The following PLD1 variants were observed in gnomAD, a reference collection of about 807,000 sequenced individuals.
The protein encoded by PLD1 is phospholipase D1, also known as choline phosphatase 1.
PLD1 carries 112 observed loss-of-function variants against 137.1 expected under a neutral mutation model. The observed-to-expected ratio is 0.82, with a 90% CI of 0.70 to 0.96. PLD1 has a LOEUF of 0.96. PLD1 is among the 40% of genes least tolerant of loss of function. The probability of loss-of-function intolerance (pLI) is 0.00; values close to 1 mark genes in which losing one functional copy is unlikely to be tolerated. For synonymous variants in PLD1, 431 were observed against 454.7 expected (o/e 0.95, Z 0.66); for missense variants, 1,321 against 1,342.0 (o/e 0.98, Z 0.24).
Position 171,737,644 on chromosome 3 carries a change from G to A in PLD1, c.176C>T (p.Ser59Phe), listed in dbSNP as rs753133914. ...PKIQEVYIPFSAIYNTQGFKE... is the reference protein window; with the variant it reads ...PKIQEVYIPFFAIYNTQGFKE... ...AAATCCTTGAGTGTTATAAATAGCA[G>A]AGAAAGGGATATACACTAAAAAAAA... The change falls in exon 3 of 27, where the codon TCT becomes TTT. Residue 59 changes from serine to phenylalanine, a missense_variant. Physicochemically the swap from Ser to Phe is radical, Grantham distance 155. Coordinates refer to ENST00000351298, the MANE Select transcript of PLD1 (RefSeq NM_002662.5). 6.4e-7 allele frequency: 1 copy of A among 1,558,362 alleles called. No homozygotes were observed. The highest frequency in any genetic ancestry group is 1.1e-5 in the South Asian group (1 of 87,748).
At chr3:171,620,814 T>G (rs1022564646) in intron 23 of PLD1, among the ~76,000 whole-genome samples, 2 of 149,084 alleles carry the variant, frequency 1.3e-5, no homozygotes, top group African/African-American at 4.9e-5. Context: ...GTCTTCCCTT[T>G]GCTAAGGCAA....
chr3:171,809,353 A>T (rs1724017348), intron 1 of PLD1: 1 of 152,224 alleles, frequency 6.6e-6, no homozygotes, highest in South Asian at 2.1e-4. Flanking sequence ...TAACAGTTCA[A>T]ATTGCAGATT....
intron 21 of PLD1, among the ~76,000 whole-genome samples, chr3:171,646,237 G>A (rs1273704696): frequency 2.0e-5 from 3 of 152,186 alleles, no homozygotes; most frequent in Non-Finnish European, 4.4e-5. Flanking sequence ...TGGGATATCC[G>A]GGAGGACTAT....
chr3:171,668,476 A>G (rs1003489146), intron 19 of PLD1, among the ~76,000 whole-genome samples: 3 of 152,214 alleles, frequency 2.0e-5, no homozygotes, highest in Admixed American at 2.0e-4. Flanking sequence ...CAAGCGTGAA[A>G]ACAATTTTTT....
rs571665557 is a variant in PLD1, at chr3:171,714,088, A to G, written c.759-43T>C. ...GTATTTTTAAAAGTTGCATTGAGTA[A>G]ATAAAACGAGAAGAACTAATCATTA... On this transcript the variant is annotated intron_variant, in intron 8 of 26. Coordinates refer to ENST00000351298, the MANE Select transcript of PLD1 (RefSeq NM_002662.5). 23 of 1,255,002 alleles carry G rather than the reference A, an allele frequency of 1.8e-5. No homozygotes were observed. In the South Asian group the frequency reaches 2.8e-4, roughly 15 times the overall value. The allele number at this position is 1,255,002 out of a possible 1,614,324, so 77.7% of individuals were successfully genotyped here.
intron 16 of PLD1, 107 bp from the exon 17 acceptor site, chr3:171,677,801 G>T: frequency 9.2e-7 from 1 of 1,089,912 alleles, no homozygotes; most frequent in Non-Finnish European, 1.3e-6. Context: ...AATTTCTTAA[G>T]ACACAACTAG....
At chr3:171,667,486 T>C (rs147601283) in intron 19 of PLD1, among the ~76,000 whole-genome samples, 2 of 152,280 alleles carry the variant, frequency 1.3e-5, no homozygotes, top group African/African-American at 4.8e-5. Context: ...AGATAATTAT[T>C]GAAGAATAGG....
intron 1 of PLD1, among the ~76,000 whole-genome samples, chr3:171,739,198 A>G (rs1232236892): frequency 6.6e-6 from 1 of 152,148 alleles, no homozygotes; most frequent in Non-Finnish European, 1.5e-5. Context: ...CCAGGGGAAG[A>G]CACTTAGCTG....
intron 1 of PLD1, among the ~76,000 whole-genome samples, chr3:171,747,748 C>T (rs1720345695): frequency 6.6e-6 from 1 of 152,172 alleles, no homozygotes; most frequent in African/African-American, 2.4e-5. Flanking sequence ...TCAATCTGTC[C>T]TTACAACAGA....
intron 23 of PLD1, among the ~76,000 whole-genome samples, chr3:171,636,753 T>C (rs1008596328): frequency 6.6e-6 from 1 of 151,972 alleles, no homozygotes; most frequent in African/African-American, 2.4e-5. Context: ...CTTTAAAAAA[T>C]GTATATTTTT....
At chr3:171,785,366 G>A (rs369059140) in intron 1 of PLD1, among the ~76,000 whole-genome samples, 10 of 151,888 alleles carry the variant, frequency 6.6e-5, no homozygotes, top group African/African-American at 2.4e-4. Context: ...ACTGTGTCAT[G>A]TCAAAATGTG....
intron 1 of PLD1, among the ~76,000 whole-genome samples, chr3:171,752,656 ATC>A (rs1355587450): frequency 1.3e-5 from 2 of 152,224 alleles, no homozygotes; most frequent in African/African-American, 2.4e-5. Flanking sequence ...ATCAAATCTG[ATC>A]TCTCTCATAT....
chr3:171,801,908 T>C (rs1185344151), intron 1 of PLD1, among the ~76,000 whole-genome samples: 2 of 152,220 alleles, frequency 1.3e-5, no homozygotes, highest in African/African-American at 4.8e-5. Context: ...TACACCCACA[T>C]GACAGATGCA....
chr3:171,709,838 A>G, intron 9 of PLD1, 129 bp from the exon 10 acceptor site: 1 of 732,604 alleles, frequency 1.4e-6, no homozygotes, highest in East Asian at 2.7e-5. Context: ...GCAGGCATTT[A>G]ACATTTTTTG....
rs1324906277 is a variant in PLD1, at chr3:171,612,306, G to A, written c.2855C>T (p.Ala952Val). 2 of 1,614,124 alleles carry A rather than the reference G, an allele frequency of 1.2e-6. No homozygotes were observed. Among genetic ancestry groups the A allele is most frequent in the Admixed American group, 1.7e-5 (1 of 60,028 alleles). Reference protein sequence around the residue: ...DGKEYQAGRFARGLRLQCFRV... With the variant: ...DGKEYQAGRFVRGLRLQCFRV... ...AAAGCACTGTAGCCGAAGTCCTCGG[G>A]CAAACCGGCCAGCTTGGTACTCTTT... The change falls in exon 25 of 27, where the codon GCC becomes GTC. Residue 952 changes from alanine to valine, a missense_variant. By Grantham distance (64) the Ala-to-Val change is moderately conservative. Coordinates refer to ENST00000351298, the MANE Select transcript of PLD1 (RefSeq NM_002662.5). The surrounding 1 kb of genome is among the most constrained non-coding windows in gnomAD (Gnocchi z 4.1).
chr3:171,761,485 A>AG, intron 1 of PLD1, among the ~76,000 whole-genome samples: 1 of 152,190 alleles, frequency 6.6e-6, no homozygotes, highest in Non-Finnish European at 1.5e-5. Context: ...CCTAGGCAAG[A>AG]CCTCCACCAG....
intron 23 of PLD1, among the ~76,000 whole-genome samples, chr3:171,636,846 G>A (rs1735172346): frequency 6.6e-6 from 1 of 152,128 alleles, no homozygotes; most frequent in African/African-American, 2.4e-5. Flanking sequence ...TCATAGAGGG[G>A]AAAGCTTTCA....
chr3:171,732,815 TACTTGTTTGCTGAC>T (rs751236885), intron 6 of PLD1, among the ~76,000 whole-genome samples: 2 of 152,130 alleles, frequency 1.3e-5, no homozygotes, highest in Non-Finnish European at 2.9e-5. Context: ...AGTGCAGAGC[TACTTGTTTGCTGAC>T]ACTAGAAAAC....
At chr3:171,751,803 A>G (rs1720681913) in intron 1 of PLD1, among the ~76,000 whole-genome samples, 1 of 152,180 alleles carries the variant, frequency 6.6e-6, no homozygotes, top group Non-Finnish European at 1.5e-5. Flanking sequence ...GATCGAGACC[A>G]TCCTGGCTAA....
Sources: allele counts gnomAD v4.1 joint callset (sites outside exome capture counted in the v4.1 genomes callset), GRCh38; gene constraint gnomAD v4.1.1; non-coding constraint Gnocchi (gnomAD v3.1); transcripts MANE v1.5; gene names NCBI Gene and HGNC (gene_info 2026-07-23, HGNC 2026-07-21).